RIC1: variants seen among roughly 807,000 people sequenced by gnomAD.
The protein encoded by RIC1 is guanine nucleotide exchange factor subunit RIC1.
Under a neutral mutation model 169.0 loss-of-function variants are expected in RIC1, and 88 were observed. The observed-to-expected ratio is 0.52, with a 90% CI of 0.44 to 0.62. The LOEUF (loss-of-function observed/expected upper bound fraction) is 0.62. Among genes scored for constraint, RIC1 ranks in the 20% least tolerant of loss-of-function variants. The pLI, the probability that RIC1 is intolerant of heterozygous loss-of-function variation, is 0.00. For missense variants in RIC1, 1,877 were observed against 1,725.5 expected (o/e 1.09, Z -1.56); for synonymous variants, 790 against 601.5 (o/e 1.31, Z -4.59).
At chr9:5,677,695 T>A (rs1460384514) in intron 2 of RIC1, among the ~76,000 whole-genome samples, 1 of 151,862 alleles carries the variant, frequency 6.6e-6, no homozygotes, top group Non-Finnish European at 1.5e-5. Context: ...TCATCTCAAT[T>A]TTTTTTTGTA....
At chr9:5,654,527 C>T (rs534577544) in intron 1 of RIC1, among the ~76,000 whole-genome samples, 24 of 152,122 alleles carry the variant, frequency 1.6e-4, no homozygotes, top group East Asian at 1.4e-3. Context: ...GGATTACAGG[C>T]GTGAGCCACT....
chr9:5,726,307 A>G (rs531153983), intron 6 of RIC1, among the ~76,000 whole-genome samples: 68 of 152,276 alleles, frequency 4.5e-4, no homozygotes, highest in African/African-American at 1.3e-3. Context: ...GCATTATGCA[A>G]TGGCCTTCTT....
At chr9:5,734,586 A>T (rs1824580874) in intron 7 of RIC1, among the ~76,000 whole-genome samples, 1 of 133,660 alleles carries the variant, frequency 7.5e-6, no homozygotes, top group Non-Finnish European at 1.6e-5. Flanking sequence ...AAAGTAGTAC[A>T]TAATCCAGAT....
intron 1 of RIC1, among the ~76,000 whole-genome samples, chr9:5,650,871 A>G (rs1169210983): frequency 1.3e-5 from 2 of 152,186 alleles, no homozygotes; most frequent in African/African-American, 4.8e-5. Context: ...GCTGGGTCCA[A>G]GTGGCATTGC....
intron 7 of RIC1, 75 bp from the exon 8 acceptor site, chr9:5,738,375 A>G (rs1824862115): frequency 3.0e-6 from 3 of 1,008,476 alleles, no homozygotes; most frequent in Non-Finnish European, 4.5e-6. Flanking sequence ...CCAGCAAAAC[A>G]TAAGAGTTCT....
chr9:5,765,639 C>G, intron 20 of RIC1, 23 bp from the exon 21 acceptor site: 1 of 1,614,080 alleles, frequency 6.2e-7, no homozygotes, highest in Non-Finnish European at 8.5e-7. Context: ...TCTAATGGTA[C>G]TGCATATGGT....
chr9:5,687,023 A>C (rs1821290030), intron 2 of RIC1, among the ~76,000 whole-genome samples: 1 of 152,214 alleles, frequency 6.6e-6, no homozygotes, highest in African/African-American at 2.4e-5. Context: ...AATTTCTTTA[A>C]CAGACATTGG....
chr9:5,680,491 A>C (rs931767501), intron 2 of RIC1, among the ~76,000 whole-genome samples: 1 of 152,040 alleles, frequency 6.6e-6, no homozygotes, highest in Non-Finnish European at 1.5e-5. Context: ...TTGGTTGGTA[A>C]GCTATTAATT....
chr9:5,652,449 G>GT lies in RIC1; in HGVS notation c.145-4127dup, dbSNP rs1350488015. Reference sequence around the variant, plus strand: ...TTCAATTAAATTTTTTGTTCTTTGGGTTTTTTTATAGCTATTAATAAGTGG... The same window carrying GT: ...TTCAATTAAATTTTTTGTTCTTTGGGTTTTTTTTATAGCTATTAATAAGTGG... On this transcript the variant is annotated intron_variant, in intron 1 of 25. Transcript: ENST00000414202. Among the ~76,000 whole-genome samples, 6 of 151,690 alleles carry GT rather than the reference G, an allele frequency of 4.0e-5. No homozygotes were observed. The South Asian group carries it at 6.3e-4, about 16-fold the overall frequency.
chr9:5,631,768 T>TA (rs1426607178), intron 1 of RIC1, among the ~76,000 whole-genome samples: 2 of 151,776 alleles, frequency 1.3e-5, no homozygotes, highest in Non-Finnish European at 2.9e-5. Context: ...GTGGGATACA[T>TA]ATGCTAGACT....
At chr9:5,653,746 C>T (rs1460168907) in intron 1 of RIC1, among the ~76,000 whole-genome samples, 1 of 151,756 alleles carries the variant, frequency 6.6e-6, no homozygotes, top group Non-Finnish European at 1.5e-5. Context: ...TACAGGTGCA[C>T]ACCACTACGC....
At chr9:5,701,939 G>C (rs1458836665) in intron 3 of RIC1, among the ~76,000 whole-genome samples, 1 of 152,094 alleles carries the variant, frequency 6.6e-6, no homozygotes, top group Non-Finnish European at 1.5e-5. Context: ...AGGGATCCAC[G>C]TATTAAACAT....
chr9:5,675,111 A>G (rs1211973541), intron 2 of RIC1, among the ~76,000 whole-genome samples: 2 of 152,224 alleles, frequency 1.3e-5, no homozygotes, highest in Non-Finnish European at 2.9e-5. Context: ...TCCCTGACGC[A>G]CGTGGCCCCT....
At chr9:5,729,774 A>G (rs966801169) in intron 6 of RIC1, among the ~76,000 whole-genome samples, 4 of 152,290 alleles carry the variant, frequency 2.6e-5, no homozygotes, top group Non-Finnish European at 4.4e-5. Context: ...AAGGTACTAA[A>G]TAATGTATTT....
chr9:5,638,059 T>A (rs1818061962), intron 1 of RIC1, among the ~76,000 whole-genome samples: 2 of 152,208 alleles, frequency 1.3e-5, no homozygotes, highest in South Asian at 4.1e-4. Context: ...TATGAAGGGA[T>A]GTTGAATTTT....
chr9:5,659,862 G>C (rs1285069945), intron 2 of RIC1, among the ~76,000 whole-genome samples: 1 of 152,020 alleles, frequency 6.6e-6, no homozygotes, highest in African/African-American at 2.4e-5. Context: ...TTAACTTCAG[G>C]GTACATGTGT....
intron 6 of RIC1, among the ~76,000 whole-genome samples, chr9:5,723,610 G>A (rs1444976687): frequency 2.0e-5 from 3 of 152,160 alleles, no homozygotes; most frequent in Admixed American, 6.5e-5. Context: ...TGCTTTTGGT[G>A]TTTTAGTCAT....
intron 19 of RIC1, among the ~76,000 whole-genome samples, chr9:5,764,667 G>C (rs13295617): frequency 0.019 from 2,966 of 152,276 alleles, 32 homozygotes; most frequent in Non-Finnish European, 0.025. Context: ...CAGAGGCCAG[G>C]TGGCCTTGAA....
At chr9:5,766,440 A>C (rs1191791804) in intron 21 of RIC1, among the ~76,000 whole-genome samples, 1 of 151,928 alleles carries the variant, frequency 6.6e-6, no homozygotes, top group Non-Finnish European at 1.5e-5. Flanking sequence ...ATTTTGGTGC[A>C]CCCATCACCC....
Sources: allele counts gnomAD v4.1 joint callset (sites outside exome capture counted in the v4.1 genomes callset), GRCh38; gene constraint gnomAD v4.1.1; transcripts MANE v1.5; gene names NCBI Gene and HGNC (gene_info 2026-07-23, HGNC 2026-07-21).